The following TMTC2 variants were observed in gnomAD, a reference collection of about 807,000 sequenced individuals.
TMTC2 encodes protein O-mannosyl-transferase TMTC2.
Under a neutral mutation model 82.4 loss-of-function variants are expected in TMTC2, and 43 were observed. The observed-to-expected ratio is 0.52, with a 90% confidence interval of 0.41 to 0.67. The LOEUF is 0.67. Among genes scored for constraint, TMTC2 ranks in the 30% least tolerant of loss-of-function variants. The pLI is 0.00. For synonymous variants in TMTC2, 408 were observed against 381.9 expected, an observed-to-expected ratio of 1.07 and a Z score of -0.80; for missense variants, 919 against 1,012.4, an observed-to-expected ratio of 0.91 and a Z score of 1.25.
chr12:82,764,699 C>G (rs1876847056), intron 1 of TMTC2, among the ~76,000 whole-genome samples: 1 of 152,102 alleles, frequency 6.6e-6, no homozygotes, highest in Non-Finnish European at 1.5e-5. Flanking sequence ...GGAGACAGGT[C>G]TACGCCTTTC....
chr12:82,786,240 T>A (rs1033642377), intron 1 of TMTC2, among the ~76,000 whole-genome samples: 1 of 152,120 alleles, frequency 6.6e-6, no homozygotes, highest in African/African-American at 2.4e-5. Context: ...CTTTCTAGCT[T>A]CCTTCTTCAA....
Position 82,965,597 on chromosome 12 carries a change from A to G in TMTC2, c.1722A>G (p.Gln574=), listed in dbSNP as rs1437547893. 1.2e-6 allele frequency: 2 copies of G among 1,613,754 alleles called. No homozygotes were observed. Among genetic ancestry groups the G allele is most frequent in the South Asian group, 2.2e-5 (2 of 91,076 alleles). ...ATACCGGTATTATTCTAATGAACCA[A>G]GGAAGGACGGAAGAAGCCCGACGGA... ...YLNTGIILMN[Q]GRTEEARRTF... is the part of the protein sequence containing the mutation. The change falls in exon 6 of 12, where the codon CAA becomes CAG. Residue 574 remains glutamine, a synonymous_variant. Coordinates refer to ENST00000321196, the MANE Select transcript of TMTC2 (RefSeq NM_152588.3).
chr12:82,978,641 G>A (rs980273473), intron 7 of TMTC2, among the ~76,000 whole-genome samples: 1 of 151,724 alleles, frequency 6.6e-6, no homozygotes, highest in Non-Finnish European at 1.5e-5. Context: ...TCCATGTGCT[G>A]CGGTGAAAAA....
At chr12:83,033,007 A>G (rs1473031908) in intron 9 of TMTC2, among the ~76,000 whole-genome samples, 1 of 152,200 alleles carries the variant, frequency 6.6e-6, no homozygotes, top group Non-Finnish European at 1.5e-5. Flanking sequence ...TTTATTTTCT[A>G]AAGGAGGAAT....
chr12:82,929,166 ATGGGCTCAACTCTG>A (rs1875887359), intron 3 of TMTC2, among the ~76,000 whole-genome samples: 1 of 151,820 alleles, frequency 6.6e-6, no homozygotes, highest in African/African-American at 2.4e-5. Context: ...CCTCGACTCT[ATGGGCTCAACTCTG>A]TGGGCTCAAG....
chr12:83,071,812 T>C (rs987775866), intron 11 of TMTC2, among the ~76,000 whole-genome samples: 1 of 152,144 alleles, frequency 6.6e-6, no homozygotes, highest in South Asian at 2.1e-4. Context: ...ATAGTAGCCT[T>C]GTATGATCTC....
intron 8 of TMTC2, among the ~76,000 whole-genome samples, chr12:83,010,159 G>T (rs530255471): frequency 6.6e-6 from 1 of 152,148 alleles, no homozygotes; most frequent in African/African-American, 2.4e-5. Flanking sequence ...TGCTAATATT[G>T]TATAAACATA....
chr12:82,854,915 CTT>C (rs1871180336), intron 1 of TMTC2, among the ~76,000 whole-genome samples: 1 of 152,132 alleles, frequency 6.6e-6, no homozygotes, highest in South Asian at 2.1e-4. Context: ...GTCAGGAAGA[CTT>C]TAATAAGGGA....
chr12:82,873,763 G>A (rs113222507), intron 2 of TMTC2, among the ~76,000 whole-genome samples: 7,032 of 152,080 alleles, frequency 0.046, 548 homozygotes, highest in African/African-American at 0.16. Context: ...GAGTTTTATC[G>A]AATTATAAAG....
intron 1 of TMTC2, among the ~76,000 whole-genome samples, chr12:82,783,754 C>T (rs1878026971): frequency 6.6e-6 from 1 of 151,854 alleles, no homozygotes; most frequent in South Asian, 2.1e-4. Context: ...ATTTTTTTCT[C>T]AAGGGTACAA....
intron 1 of TMTC2, among the ~76,000 whole-genome samples, chr12:82,707,808 G>A (rs1175170263): frequency 2.0e-5 from 3 of 152,256 alleles, no homozygotes; most frequent in East Asian, 3.9e-4. Flanking sequence ...CACAGAGGTC[G>A]GTGAAACCTA....
At chr12:82,845,327 T>A (rs2137097068) in intron 1 of TMTC2, among the ~76,000 whole-genome samples, 1 of 146,246 alleles carries the variant, frequency 6.8e-6, no homozygotes, top group Admixed American at 6.9e-5. Context: ...CCTCAAGACC[T>A]TATTGTAGGG....
intron 4 of TMTC2, among the ~76,000 whole-genome samples, chr12:82,959,904 G>C (rs1446405367): frequency 6.6e-6 from 1 of 151,862 alleles, no homozygotes; most frequent in South Asian, 2.1e-4. Flanking sequence ...CAAAATGAGA[G>C]ATGTTTGCAC....
At chr12:83,070,557 G>C (rs1053950504) in intron 11 of TMTC2, among the ~76,000 whole-genome samples, 3 of 151,994 alleles carry the variant, frequency 2.0e-5, no homozygotes, top group African/African-American at 7.3e-5. Context: ...CAGAAACTTT[G>C]CTGAATTCTT....
intron 8 of TMTC2, among the ~76,000 whole-genome samples, chr12:82,991,483 G>A (rs1343514659): frequency 2.0e-5 from 3 of 152,158 alleles, no homozygotes; most frequent in Non-Finnish European, 4.4e-5. Flanking sequence ...TTAGGCTACT[G>A]ACAATTTTAT....
chr12:83,094,919 C>T (rs10431415), intron 11 of TMTC2, among the ~76,000 whole-genome samples: 79,957 of 151,872 alleles, frequency 0.53, 22,735 homozygotes, highest in South Asian at 0.65. Context: ...GAGGAGGGTT[C>T]GGGGATGGAG....
chr12:82,899,857 ATG>A (rs1565800383), intron 3 of TMTC2, among the ~76,000 whole-genome samples: 12 of 144,576 alleles, frequency 8.3e-5, no homozygotes, highest in African/African-American at 2.8e-4. Flanking sequence ...GAATATAGAT[ATG>A]TAGGAATATA....
intron 2 of TMTC2, among the ~76,000 whole-genome samples, chr12:82,882,398 C>G (rs949915799): frequency 6.6e-6 from 1 of 152,128 alleles, no homozygotes; most frequent in African/African-American, 2.4e-5. Flanking sequence ...CTAAATAGTA[C>G]GTACCAAGAA....
At chr12:82,872,206 A>G (rs968361879) in intron 2 of TMTC2, among the ~76,000 whole-genome samples, 2 of 152,154 alleles carry the variant, frequency 1.3e-5, no homozygotes, top group African/African-American at 2.4e-5. Flanking sequence ...CTGTCCCAGA[A>G]GGGAAATGGG....
Sources: gnomAD v4.1 joint callset for allele counts (sites outside exome capture counted in the v4.1 genomes callset) on GRCh38, gnomAD v4.1.1 for gene constraint, MANE v1.5 for transcripts, NCBI Gene and HGNC (gene_info 2026-07-23, HGNC 2026-07-21) for gene names.